The following ANKRD13A variants were observed in gnomAD, a reference collection of about 807,000 sequenced individuals.
ANKRD13A encodes ankyrin repeat domain-containing protein 13A.
ANKRD13A carries 48 observed loss-of-function variants against 81.3 expected under a neutral mutation model. That is an observed-to-expected ratio of 0.59 (90% confidence interval 0.47 to 0.75). The LOEUF is 0.75. Ranked by LOEUF, ANKRD13A falls within the 30% of genes least tolerant of loss-of-function variation. The pLI, the probability that ANKRD13A is intolerant of heterozygous loss-of-function variation, is 0.00. For missense variants in ANKRD13A, 612 were observed against 734.0 expected (o/e 0.83, Z 1.92); for synonymous variants, 230 against 270.1 (o/e 0.85, Z 1.45).
intron 6 of ANKRD13A, chr12:110,021,290 C>T: frequency 3.3e-6 from 1 of 301,930 alleles, no homozygotes; most frequent in Non-Finnish European, 7.0e-6. Flanking sequence ...TATAGCTGCT[C>T]TTGAATGTGA....
At position 110,038,304 on chromosome 12, in the gene ANKRD13A, G is replaced by A. The variant is rs1203533108; in HGVS notation, c.*750G>A. On this transcript the variant is annotated 3_prime_UTR_variant, in exon 15 of 15. Transcript: ENST00000261739. The stretch of plus-strand genomic sequence containing the variant: ...GAATTTGTAAAGGCAATTCTTTTGA[G>A]AGCAGGATTCTCCAGGCTAAATCAA... The A allele has an allele frequency of 1.3e-5, 2 of 152,628 alleles. No homozygotes were observed. The highest frequency in any genetic ancestry group is 4.1e-4 in the South Asian group (2 of 4,832). 9.5% of individuals were successfully genotyped at this position (152,628 alleles called of 1,614,324 possible).
intron 13 of ANKRD13A, 112 bp downstream of exon 13, chr12:110,034,069 T>C: frequency 8.7e-7 from 1 of 1,142,962 alleles, no homozygotes; most frequent in Non-Finnish European, 1.2e-6. Flanking sequence ...GTTTGACACA[T>C]TCATGGTATT....
Position 110,001,482 on chromosome 12 carries a change from C to G in ANKRD13A, c.96+1698C>G, listed in dbSNP as rs1310472669. On this transcript the variant is annotated intron_variant, in intron 1 of 14. Transcript: ENST00000261739. ...TGAGATGGAGTCTCGCTCTGTCATT[C>G]AGACTTGAGTGCAGTGGCGCGATCT... Among the ~76,000 whole-genome samples, 43 of 147,962 alleles carry G rather than the reference C, an allele frequency of 2.9e-4. No homozygotes were observed. The Admixed American group carries it at 2.9e-3, about 10-fold the overall frequency.
intron 11 of ANKRD13A, 28 bp downstream of exon 11, chr12:110,029,663 T>C (rs755373408): frequency 6.2e-7 from 1 of 1,603,904 alleles, no homozygotes; most frequent in Non-Finnish European, 8.5e-7. Flanking sequence ...TCAGCAACAC[T>C]TGGAGGTTCT....
intron 1 of ANKRD13A, among the ~76,000 whole-genome samples, chr12:110,010,836 G>C (rs1890480753): frequency 2.0e-5 from 3 of 152,344 alleles, no homozygotes; most frequent in Admixed American, 6.5e-5. Context: ...TTTCCTAAGT[G>C]GCACTTTCTG....
chr12:110,008,750 T>TGGTG (rs1227754288), intron 1 of ANKRD13A, among the ~76,000 whole-genome samples: 1 of 152,128 alleles, frequency 6.6e-6, no homozygotes, highest in Non-Finnish European at 1.5e-5. Context: ...CCAGGTGTGG[T>TGGTG]GGTGGGCACC....
chr12:110,023,126 T>G (rs1320405454), intron 6 of ANKRD13A, among the ~76,000 whole-genome samples: 1 of 152,150 alleles, frequency 6.6e-6, no homozygotes, highest in Non-Finnish European at 1.5e-5. Context: ...CACTCAGTGG[T>G]CAGAGCAGAA....
At chr12:110,022,763 T>C (rs1423647375) in intron 6 of ANKRD13A, among the ~76,000 whole-genome samples, 2 of 152,228 alleles carry the variant, frequency 1.3e-5, no homozygotes, top group Non-Finnish European at 2.9e-5. Context: ...AGCTTATTAA[T>C]CAGTTGAGTC....
At chr12:110,030,057 T>C (rs1891584775) in intron 11 of ANKRD13A, among the ~76,000 whole-genome samples, 1 of 152,218 alleles carries the variant, frequency 6.6e-6, no homozygotes, top group African/African-American at 2.4e-5. Flanking sequence ...GTATATATCA[T>C]ACATACTACT....
chr12:110,012,995 C>A, intron 2 of ANKRD13A, 130 bp from the exon 3 acceptor site: 1 of 891,870 alleles, frequency 1.1e-6, no homozygotes, highest in Non-Finnish European at 1.7e-6. Flanking sequence ...TCATGATCAT[C>A]CTGGTAAGGT....
chr12:109,999,470 G>A lies in ANKRD13A; in HGVS notation c.-219G>A. 3.9e-6 allele frequency: 1 copy of A among 253,962 alleles called. No individual in the cohort carries two copies. 15.7% of individuals were successfully genotyped at this position (253,962 alleles called of 1,614,324 possible). On this transcript the variant is annotated 5_prime_UTR_variant, in exon 1 of 15. Coordinates refer to ENST00000261739, the MANE Select transcript of ANKRD13A (RefSeq NM_033121.2). The surrounding 1 kb of genome is among the most constrained non-coding windows in gnomAD (Gnocchi z 4.3). The stretch of plus-strand genomic sequence containing the variant: ...AGCTGTCAGCGCGGGCGGGAACGCC[G>A]CGGGGCGCGGGGTGGGCGCGGCCGA...
chr12:110,033,772 A>G, intron 12 of ANKRD13A, 25 bp from the exon 13 acceptor site: 1 of 1,577,162 alleles, frequency 6.3e-7, no homozygotes, highest in Non-Finnish European at 8.6e-7. Context: ...GAACTCAGAC[A>G]CTGGACGGTT....
In ANKRD13A at chr12:110,038,642, A is replaced by ATTT. The variant is rs1009706152; in HGVS notation, c.*1092_*1094dup. Reference sequence around the variant, plus strand: ...AATCAACATCTTTCTGGATAAATCTATTTTTTAACAATCTTTTTATTATTT... The same window carrying ATTT: ...AATCAACATCTTTCTGGATAAATCTATTTTTTTTTAACAATCTTTTTATTATTT... On this transcript the variant is annotated 3_prime_UTR_variant, in exon 15 of 15. Transcript: ENST00000261739. The ATTT allele has an allele frequency of 6.5e-6, 1 of 152,726 alleles. No homozygotes were observed. The highest frequency in any genetic ancestry group is 1.9e-4 in the East Asian group (1 of 5,190). 9.5% of individuals were successfully genotyped at this position (152,726 alleles called of 1,614,324 possible).
At chr12:110,026,336 G>A (rs894748368) in intron 8 of ANKRD13A, among the ~76,000 whole-genome samples, 1 of 151,402 alleles carries the variant, frequency 6.6e-6, no homozygotes, top group African/African-American at 2.4e-5. Context: ...CACTTTGGGA[G>A]GCCAATGTGG....
rs897138576 is a variant in ANKRD13A, at chr12:110,039,534, C to A, written c.*1980C>A. On this transcript the variant is annotated 3_prime_UTR_variant, in exon 15 of 15. Transcript: ENST00000261739. ...AGTAGAACATTAGAATGCCTCACTT[C>A]GCTCAGTTCATCACTGCAAAGGTGG... 1 of 152,212 alleles carries A rather than the reference C, an allele frequency of 6.6e-6. No individual in the cohort carries two copies. Among genetic ancestry groups the A allele is most frequent in the South Asian group, 2.1e-4 (1 of 4,836 alleles). The allele number at this position is 152,212 out of a possible 1,614,324, so 9.4% of individuals were successfully genotyped here. A position where few individuals can be genotyped will look rare whatever the true frequency, so the allele number is the denominator to read the frequency against.
intron 4 of ANKRD13A, among the ~76,000 whole-genome samples, chr12:110,016,766 A>T (rs1014322910): frequency 6.6e-6 from 1 of 151,350 alleles, no homozygotes; most frequent in African/African-American, 2.4e-5. Flanking sequence ...TTTATTTTTT[A>T]TTTTATTTTT....
In ANKRD13A at chr12:110,027,981, A is replaced by C. The variant is rs942899637; in HGVS notation, c.945+215A>C. The stretch of plus-strand genomic sequence containing the variant: ...TTAGAGGAGGGGTAGTGATTATAGA[A>C]ATCAGGTGCTTTCCCTCTTATCCAT... On this transcript the variant is annotated intron_variant, in intron 9 of 14. Transcript: ENST00000261739. The C allele has an allele frequency of 4.5e-5, 25 of 558,820 alleles. No individual in the cohort carries two copies. The African/African-American group carries it at 4.7e-4, about 11-fold the overall frequency. The allele number at this position is 558,820 out of a possible 1,614,324, so 34.6% of individuals were successfully genotyped here.
rs762126665 is a variant in ANKRD13A, at chr12:110,029,488, A to T, written c.1087A>T (p.Met363Leu). Residue 363 changes from methionine (M) to leucine (L), a missense_variant, in exon 11 of 15, where the codon ATG becomes TTG. Met to Leu is a conservative substitution (Grantham distance 15, BLOSUM62 2). Transcript: ENST00000261739. ...LTIRTQKFKA[M>L]LWMCEEFPLS... ...GGTTGAATTCTGCAGGTTTAAAGCA[A>T]TGTTGTGGATGTGTGAAGAGTTTCC... 3 of 1,611,876 alleles carry T rather than the reference A, an allele frequency of 1.9e-6. No individual in the cohort carries two copies.
At position 110,038,052 on chromosome 12, in the gene ANKRD13A, T is replaced by G. The variant is rs543634447; in HGVS notation, c.*498T>G. On this transcript the variant is annotated 3_prime_UTR_variant, in exon 15 of 15. Coordinates refer to ENST00000261739, the MANE Select transcript of ANKRD13A (RefSeq NM_033121.2). ...TGTGCTGATCTCCTTATTTTTACCT[T>G]TTTACAGGGTTTCTAGGACATTGTC... 3.3e-5 allele frequency: 5 copies of G among 152,752 alleles called. No individual in the cohort carries two copies. The South Asian group carries it at 1.0e-3, about 32-fold the overall frequency. The allele number at this position is 152,752 out of a possible 1,614,324, so 9.5% of individuals were successfully genotyped here.
Sources: allele counts gnomAD v4.1 joint callset (sites outside exome capture counted in the v4.1 genomes callset), GRCh38; gene constraint gnomAD v4.1.1; non-coding constraint Gnocchi (gnomAD v3.1); transcripts MANE v1.5; gene names NCBI Gene and HGNC (gene_info 2026-07-23, HGNC 2026-07-21).